The following VPS13B variants were observed in gnomAD, a reference collection of about 807,000 sequenced individuals.
The protein encoded by VPS13B is vacuolar protein sorting 13 homolog B.
Under a neutral mutation model 426.4 loss-of-function variants are expected in VPS13B, and 285 were observed. That is an observed-to-expected ratio of 0.67 (90% CI 0.61 to 0.74). The LOEUF is 0.74. Among genes scored for constraint, VPS13B ranks in the 30% least tolerant of loss-of-function variants. The pLI is 0.00. For synonymous variants in VPS13B, 1,676 were observed against 1,676.4 expected (o/e 1.00, Z 0.01); for missense variants, 4,537 against 4,782.6 (o/e 0.95, Z 1.51).
intron 17 of VPS13B, among the ~76,000 whole-genome samples, chr8:99,226,102 G>A (rs974552947): frequency 6.6e-6 from 1 of 151,988 alleles, no homozygotes; most frequent in Non-Finnish European, 1.5e-5. Context: ...CCGCCACCAT[G>A]CCCGGCTAAT....
intron 30 of VPS13B, among the ~76,000 whole-genome samples, chr8:99,550,729 A>G (rs1588486724): frequency 6.6e-6 from 1 of 152,156 alleles, no homozygotes; most frequent in Middle Eastern, 3.4e-3. Context: ...TGCATCCTAC[A>G]ATGTTTAATG....
At chr8:99,229,520 G>C (rs1472660138) in intron 17 of VPS13B, among the ~76,000 whole-genome samples, 1 of 152,134 alleles carries the variant, frequency 6.6e-6, no homozygotes, top group Admixed American at 6.5e-5. Flanking sequence ...TTAACAGTTT[G>C]ACACTATGTA....
Position 99,853,641 on chromosome 8 carries a change from T to C in VPS13B, c.10252T>C (p.Tyr3418His). ...EEPVAALFEL[Y>H]CVEICCGDLQ... is the part of the protein sequence containing the mutation. The stretch of plus-strand genomic sequence containing the variant: ...GCCTGTGGCTGCGTTGTTTGAACTT[T>C]ACTGTGTGGAGATCTGCTGTGGGGA... The change falls in exon 56 of 62, where the codon TAC (tyrosine) becomes CAC (histidine). Residue 3418 changes from tyrosine (Y) to histidine (H), a missense_variant. Tyr to His is a moderately conservative substitution (Grantham distance 83). Coordinates refer to ENST00000357162, the MANE Select transcript of VPS13B (RefSeq NM_152564.5). The C allele has an allele frequency of 6.2e-7, 1 of 1,614,212 alleles. No homozygotes were observed.
chr8:99,049,556 T>A (rs972094428), intron 3 of VPS13B, among the ~76,000 whole-genome samples: 2 of 152,074 alleles, frequency 1.3e-5, no homozygotes, highest in Non-Finnish European at 2.9e-5. Flanking sequence ...TTTTTTTTTT[T>A]TCTTTAATAG....
At chr8:99,033,392 C>G (rs1049682200) in intron 2 of VPS13B, among the ~76,000 whole-genome samples, 11 of 152,040 alleles carry the variant, frequency 7.2e-5, no homozygotes, top group African/African-American at 2.7e-4. Context: ...ATTTTTTGTC[C>G]CTGGCTTTCT....
At chr8:99,094,899 G>A (rs906588798) in intron 3 of VPS13B, among the ~76,000 whole-genome samples, 1 of 152,068 alleles carries the variant, frequency 6.6e-6, no homozygotes, top group African/African-American at 2.4e-5. Flanking sequence ...GCTACCCTTT[G>A]TGTTGGTATC....
intron 23 of VPS13B, among the ~76,000 whole-genome samples, chr8:99,465,213 G>A (rs1170578574): frequency 6.6e-6 from 1 of 151,996 alleles, no homozygotes; most frequent in African/African-American, 2.4e-5. Context: ...AAGTAGATAA[G>A]GTGTTTTCAT....
At chr8:99,221,658 T>A (rs2132829234) in intron 17 of VPS13B, among the ~76,000 whole-genome samples, 1 of 152,298 alleles carries the variant, frequency 6.6e-6, no homozygotes, top group South Asian at 2.1e-4. Context: ...AAAACTTCTT[T>A]GAAATTTTTT....
At chr8:99,111,863 T>C (rs1847387715) in intron 6 of VPS13B, among the ~76,000 whole-genome samples, 1 of 152,268 alleles carries the variant, frequency 6.6e-6, no homozygotes, top group East Asian at 1.9e-4. Flanking sequence ...TATTGTGTGA[T>C]GCTTAGGTTT....
chr8:99,755,489 G>T (rs1810594972), intron 39 of VPS13B, among the ~76,000 whole-genome samples: 1 of 152,218 alleles, frequency 6.6e-6, no homozygotes, highest in Non-Finnish European at 1.5e-5. Context: ...CCCTGAGGAG[G>T]CTGGAGGCGG....
chr8:99,246,868 A>C (rs1367548066), intron 17 of VPS13B, among the ~76,000 whole-genome samples: 1 of 151,888 alleles, frequency 6.6e-6, no homozygotes, highest in Non-Finnish European at 1.5e-5. Flanking sequence ...AAAAACAAAA[A>C]AAGATTATGA....
chr8:99,274,287 G>A lies in VPS13B; in HGVS notation c.2605G>A (p.Ala869Thr), dbSNP rs371800257. Residue 869 changes from alanine (A) to threonine (T), a missense_variant, in exon 18 of 62, where the codon GCC becomes ACC. Transcript: ENST00000357162. The part of the protein sequence containing the change: ...KYCSTSLVKC[A>T]SGTMGSIKIC... ...CTGCAGCACATCATTGGTCAAATGT[G>A]CCTCTGGGACCATGGGATCAATAAA... 1.9e-6 allele frequency: 3 copies of A among 1,614,110 alleles called. No individual in the cohort carries two copies. In the African/African-American group the frequency reaches 4.0e-5, roughly 22 times the overall value.
chr8:99,712,949 C>T (rs1304572960), intron 36 of VPS13B, among the ~76,000 whole-genome samples: 4 of 151,902 alleles, frequency 2.6e-5, no homozygotes, highest in African/African-American at 9.7e-5. Context: ...TACTTAAGTT[C>T]TCTAAGAGGT....
At chr8:99,299,793 C>T (rs1423017961) in intron 19 of VPS13B, among the ~76,000 whole-genome samples, 1 of 152,006 alleles carries the variant, frequency 6.6e-6, no homozygotes, top group Non-Finnish European at 1.5e-5. Context: ...CTCTGTAATT[C>T]CAGCTACTTG....
intron 51 of VPS13B, among the ~76,000 whole-genome samples, chr8:99,827,417 C>A (rs1814756499): frequency 6.6e-6 from 1 of 151,662 alleles, no homozygotes. Context: ...GTGGTGAGCT[C>A]CCCTTTATCA....
intron 25 of VPS13B, among the ~76,000 whole-genome samples, chr8:99,487,202 T>C (rs1331307729): frequency 6.6e-6 from 1 of 150,980 alleles, no homozygotes; most frequent in African/African-American, 2.4e-5. Flanking sequence ...GGGTAGAGAG[T>C]AGATCTAGAG....
intron 19 of VPS13B, among the ~76,000 whole-genome samples, chr8:99,373,602 C>T (rs1321404417): frequency 6.6e-6 from 1 of 152,206 alleles, no homozygotes; most frequent in East Asian, 1.9e-4. Context: ...ATAATCTCAG[C>T]ACTTTGGGAG....
At chr8:99,770,495 G>A (rs993645880) in intron 40 of VPS13B, among the ~76,000 whole-genome samples, 1 of 152,136 alleles carries the variant, frequency 6.6e-6, no homozygotes, top group Non-Finnish European at 1.5e-5. Flanking sequence ...GGGTGACTGG[G>A]GAAAGTTTAA....
intron 33 of VPS13B, among the ~76,000 whole-genome samples, chr8:99,629,131 A>G (rs535643683): frequency 2.0e-5 from 3 of 152,294 alleles, no homozygotes; most frequent in East Asian, 3.9e-4. Context: ...TAAAATGGGG[A>G]TAATAATAGA....
Sources: gnomAD v4.1 joint callset for allele counts (sites outside exome capture counted in the v4.1 genomes callset) on GRCh38, gnomAD v4.1.1 for gene constraint, MANE v1.5 for transcripts, NCBI Gene and HGNC (gene_info 2026-07-23, HGNC 2026-07-21) for gene names.